Variants in USP1 observed in about 807,000 individuals in gnomAD.
USP1 encodes the protein ubiquitin specific peptidase 1.
In USP1, 18 loss-of-function variants were observed where a neutral mutation model predicts 72.2. The observed-to-expected ratio is 0.25, with a 90% CI of 0.17 to 0.37. The LOEUF (loss-of-function observed/expected upper bound fraction) is 0.37. Ranked by LOEUF, USP1 falls within the 10% of genes least tolerant of loss-of-function variation. The pLI, the probability that USP1 is intolerant of heterozygous loss-of-function variation, is 1.00. For missense variants in USP1, 759 were observed against 884.9 expected (o/e 0.86, Z 1.81); for synonymous variants, 354 against 303.7 (o/e 1.17, Z -1.72).
In USP1 at chr1:62,438,548, T is replaced by C. The variant is rs1645108728; in HGVS notation, c.-70+1148T>C. On this transcript the variant is annotated intron_variant, in intron 1 of 8. Transcript: ENST00000339950. ...TGAAATTTGAGTGAGTCTTGTGTAG[T>C]TCATTTTATTACTCTGCATTTTAAA... is the stretch of plus-strand genomic sequence containing the variant. 2.6e-5 allele frequency among the ~76,000 whole-genome samples: 4 copies of C among 152,212 alleles called. No homozygotes were observed. The South Asian group carries it at 8.3e-4, about 32-fold the overall frequency.
intron 2 of USP1, 88 bp from the exon 3 acceptor site, chr1:62,441,400 T>A (rs1197362860): frequency 7.2e-7 from 1 of 1,386,532 alleles, no homozygotes; most frequent in Non-Finnish European, 9.5e-7. Context: ...TATACAACTT[T>A]TGGGAAAAGA....
At chr1:62,441,305 A>G (rs1035247935) in intron 2 of USP1, among the ~76,000 whole-genome samples, 183 bp from the exon 3 acceptor site, 6 of 152,202 alleles carry the variant, frequency 3.9e-5, no homozygotes, top group Non-Finnish European at 7.3e-5. Context: ...AAATGCTTTT[A>G]AAACTTTTAT....
In USP1 at chr1:62,437,059, C is replaced by T. The variant is rs1055352620; in HGVS notation, c.-411C>T. On this transcript the variant is annotated 5_prime_UTR_variant, in exon 1 of 9. Transcript: ENST00000339950. ...GGTCCTGAGACTGAGGAAAACGCGC[C>T]AAGTTCCCCTCGGTGGCGGAGTGCT... is the stretch of plus-strand genomic sequence containing the variant. The T allele has an allele frequency of 2.5e-6, 1 of 398,802 alleles. No individual in the cohort carries two copies. The highest frequency in any genetic ancestry group is 4.4e-6 in the Non-Finnish European group (1 of 225,928). 24.7% of individuals were successfully genotyped at this position (398,802 alleles called of 1,614,324 possible). A position where few individuals can be genotyped will look rare whatever the true frequency, so the allele number is the denominator to read the frequency against.
chr1:62,448,891 T>C (rs541625630), intron 8 of USP1, among the ~76,000 whole-genome samples: 3 of 150,682 alleles, frequency 2.0e-5, no homozygotes, highest in Admixed American at 1.3e-4. Flanking sequence ...TTCTTCTCCT[T>C]TTTTTTTTGA....
In USP1 at chr1:62,444,655, C is replaced by G. The variant is rs1645157306; in HGVS notation, c.558-83C>G. 16 of 1,072,020 alleles carry G rather than the reference C, an allele frequency of 1.5e-5. No individual in the cohort carries two copies. The South Asian group carries it at 3.9e-4, about 26-fold the overall frequency. The allele number at this position is 1,072,020 out of a possible 1,614,324, so 66.4% of individuals were successfully genotyped here. On this transcript the variant is annotated intron_variant, in intron 5 of 8. Transcript: ENST00000339950. ...AAAAATGAAATAATTTATGATTTTC[C>G]TTACATGAATTAATTTCTATATAGG...
In USP1 at chr1:62,450,957, C is replaced by T; in HGVS notation, c.2334C>T (p.Tyr778=). The change falls in exon 9 of 9, where the codon TAC becomes TAT. Residue 778 remains tyrosine, a synonymous_variant. Transcript: ENST00000339950. ...CTACATCTCCTACTTCTACTCCTTA[C>T]TTGCTATTTTATAAGAAATTATAGA... ...SPSTSPTSTP[Y]LLFYKKL is the part of the protein sequence containing the mutation. 2 of 1,595,742 alleles carry T rather than the reference C, an allele frequency of 1.3e-6. No homozygotes were observed. Among genetic ancestry groups the T allele is most frequent in the Non-Finnish European group, 8.5e-7 (1 of 1,175,032 alleles).
At position 62,448,682 on chromosome 1, in the gene USP1, A is replaced by G. The variant is rs1645193179; in HGVS notation, c.1622+16A>G. On this transcript the variant is annotated intron_variant, in intron 8 of 8. Transcript: ENST00000339950. ...GTGGTTTGGAGTAAGTATTGTAAAT[A>G]AGAACTATATGAAGAAAATGAGCTG... 1.2e-6 allele frequency: 2 copies of G among 1,609,528 alleles called. No homozygotes were observed. Among genetic ancestry groups the G allele is most frequent in the African/African-American group, 2.7e-5 (2 of 74,854 alleles).
chr1:62,441,414 A>C (rs1349952763), intron 2 of USP1, 74 bp from the exon 3 acceptor site: 1 of 1,429,732 alleles, frequency 7.0e-7, no homozygotes, highest in Non-Finnish European at 9.2e-7. Context: ...GAAAAGACTA[A>C]ATCTACAGAA....
At position 62,450,934 on chromosome 1, in the gene USP1, A is replaced by T. The variant is rs1292561673; in HGVS notation, c.2311A>T (p.Thr771Ser). The T allele has an allele frequency of 6.2e-7, 1 of 1,611,188 alleles. No homozygotes were observed. Among genetic ancestry groups the T allele is most frequent in the Non-Finnish European group, 8.5e-7 (1 of 1,179,250 alleles). Reference sequence around the variant, plus strand: ...CTTTCTGAATTCTCTTTCCCCTTCTACATCTCCTACTTCTACTCCTTACTT... The same window carrying T: ...CTTTCTGAATTCTCTTTCCCCTTCTTCATCTCCTACTTCTACTCCTTACTT... ...KDFLNSLSPS[T>S]SPTSTPYLLF... The change falls in exon 9 of 9, where the codon ACA (threonine) becomes TCA (serine). Residue 771 changes from threonine to serine, a missense_variant. Thr to Ser is a moderately conservative substitution (Grantham distance 58). This residue lies in a region of USP1 where 22 missense variants were observed against 23.4 expected (regional missense o/e 0.94). Coordinates refer to ENST00000339950, the MANE Select transcript of USP1 (RefSeq NM_003368.5).
At chr1:62,448,779 A>C (rs1182022343) in intron 8 of USP1, 113 bp downstream of exon 8, 55 of 1,115,336 alleles carry the variant, frequency 4.9e-5, no homozygotes, top group East Asian at 4.9e-5. Flanking sequence ...AGTAGATTGT[A>C]AAGATTGCTT....
chr1:62,442,137 A>C, intron 3 of USP1, 58 bp from the exon 4 acceptor site: 5 of 1,162,662 alleles, frequency 4.3e-6, no homozygotes, highest in Non-Finnish European at 6.2e-6. Context: ...TGTTGTTTTA[A>C]TGATTTTACG....
At chr1:62,447,828 C>G (rs1352631407) in intron 7 of USP1, among the ~76,000 whole-genome samples, 1 of 151,958 alleles carries the variant, frequency 6.6e-6, no homozygotes, top group Non-Finnish European at 1.5e-5. Context: ...GCTCGGTTGC[C>G]CAGGCTGGAG....
chr1:62,446,926 T>A (rs1213551142), intron 6 of USP1, among the ~76,000 whole-genome samples: 1 of 152,164 alleles, frequency 6.6e-6, no homozygotes, highest in African/African-American at 2.4e-5. Flanking sequence ...GCGATCCTCC[T>A]GCCTCAGCCT....
intron 2 of USP1, among the ~76,000 whole-genome samples, chr1:62,440,921 G>C (rs536298702): frequency 6.6e-6 from 1 of 151,940 alleles, no homozygotes; most frequent in Non-Finnish European, 1.5e-5. Flanking sequence ...TCCTGGGCTC[G>C]AGCAGTCCTC....
chr1:62,449,427 T>G (rs1050213428), intron 8 of USP1, among the ~76,000 whole-genome samples: 1 of 152,190 alleles, frequency 6.6e-6, no homozygotes, highest in Non-Finnish European at 1.5e-5. Flanking sequence ...AATGTCATTG[T>G]ATGTGTGACT....
At chr1:62,448,384 C>G in intron 7 of USP1, 81 bp from the exon 8 acceptor site, 1 of 1,358,762 alleles carries the variant, frequency 7.4e-7, no homozygotes, top group Non-Finnish European at 1.0e-6. Flanking sequence ...AAATTAAATG[C>G]TAATTTTGAA....
chr1:62,441,560 G>A lies in USP1; in HGVS notation c.243G>A (p.Val81=). The A allele has an allele frequency of 6.2e-7, 1 of 1,613,498 alleles. No homozygotes were observed. Among genetic ancestry groups the A allele is most frequent in the Non-Finnish European group, 8.5e-7 (1 of 1,179,762 alleles). Residue 81 remains valine, a synonymous_variant, in exon 3 of 9, where the codon GTG becomes GTA. Transcript: ENST00000339950. ...AGAGAGAAAACTTGTTACCATTTGT[G>A]GGACTGAATAATCTCGGCAATACTT... ...CEKRENLLPF[V]GLNNLGNTCY...
intron 8 of USP1, among the ~76,000 whole-genome samples, 195 bp from the exon 9 acceptor site, chr1:62,450,051 T>C (rs1184788184): frequency 6.6e-6 from 1 of 151,968 alleles, no homozygotes; most frequent in Non-Finnish European, 1.5e-5. Flanking sequence ...ATATTAGCAG[T>C]TATTTATTTT....
intron 8 of USP1, among the ~76,000 whole-genome samples, chr1:62,449,145 A>C (rs1571140269): frequency 6.6e-6 from 1 of 152,152 alleles, no homozygotes; most frequent in East Asian, 1.9e-4. Flanking sequence ...TAGCCTCACA[A>C]AGTGCTGGGA....
Sources: gnomAD v4.1 joint callset for allele counts (sites outside exome capture counted in the v4.1 genomes callset) on GRCh38, gnomAD v4.1.1 for gene constraint, gnomAD v4.1.1 regional missense constraint, MANE v1.5 for transcripts, NCBI Gene and HGNC (gene_info 2026-07-23, HGNC 2026-07-21) for gene names.